The following SND1 variants were observed in gnomAD, a reference collection of about 807,000 sequenced individuals.
SND1 encodes the protein staphylococcal nuclease and tudor domain containing 1, also known as staphylococcal nuclease domain-containing protein 1.
SND1 carries 38 observed loss-of-function variants against 121.7 expected under a neutral mutation model. That is an observed-to-expected ratio of 0.31 (90% confidence interval 0.24 to 0.41). The LOEUF (loss-of-function observed/expected upper bound fraction) is 0.41. Ranked by LOEUF, SND1 falls within the 10% of genes least tolerant of loss-of-function variation. SND1 has a pLI of 1.00. For synonymous variants in SND1, 401 were observed against 447.4 expected, an observed-to-expected ratio of 0.90 and a Z score of 1.31; for missense variants, 868 against 1,184.6, an observed-to-expected ratio of 0.73 and a Z score of 3.92.
At chr7:127,917,622 T>C (rs1563057614) in intron 14 of SND1, among the ~76,000 whole-genome samples, 2 of 152,190 alleles carry the variant, frequency 1.3e-5, no homozygotes, top group South Asian at 4.1e-4. Flanking sequence ...TAGGATCTGC[T>C]ATGTTGCCAG....
intron 16 of SND1, among the ~76,000 whole-genome samples, chr7:128,022,795 A>T (rs1803387708): frequency 1.4e-5 from 2 of 148,004 alleles, no homozygotes; most frequent in South Asian, 4.3e-4. Flanking sequence ...ATTAAATTAC[A>T]TCCCTGAAGG....
intron 15 of SND1, among the ~76,000 whole-genome samples, chr7:127,962,931 A>T (rs561849427): frequency 3.3e-5 from 5 of 152,256 alleles, no homozygotes; most frequent in Admixed American, 3.3e-4. Context: ...AGTTCAAATG[A>T]CTCCATGATC....
intron 10 of SND1, among the ~76,000 whole-genome samples, chr7:127,725,351 G>A (rs1295230339): frequency 1.3e-5 from 2 of 152,194 alleles, no homozygotes; most frequent in Non-Finnish European, 1.5e-5. Flanking sequence ...GCTTCTTCCT[G>A]TCAGCATCAT....
chr7:128,024,064 CTG>C (rs3837141), intron 16 of SND1, among the ~76,000 whole-genome samples: 85,094 of 148,844 alleles, frequency 0.57, 26,046 homozygotes, highest in African/African-American at 0.81. Context: ...TGCTATATTG[CTG>C]TGTGTGTGTG....
intron 11 of SND1, among the ~76,000 whole-genome samples, chr7:127,809,481 C>T (rs1798295752): frequency 6.6e-6 from 1 of 152,344 alleles, no homozygotes; most frequent in East Asian, 1.9e-4. Context: ...CCCATGTACT[C>T]TGGCGTCTGG....
rs1316468176 is a variant in SND1 at position 127,703,124 on chromosome 7, C to G, written c.682-41C>G. On this transcript the variant is annotated intron_variant, in intron 6 of 23. Coordinates refer to ENST00000354725, the MANE Select transcript of SND1 (RefSeq NM_014390.4). ...GTGGGGCGAGAGTGCCTAGCACTCA[C>G]ATTTAGGCTGCATTACTCACCTACC... 2.5e-6 allele frequency: 4 copies of G among 1,612,214 alleles called. No individual in the cohort carries two copies. The African/African-American group carries it at 5.3e-5, about 22-fold the overall frequency.
chr7:127,776,644 A>G (rs1021590968), intron 10 of SND1, among the ~76,000 whole-genome samples: 1 of 152,226 alleles, frequency 6.6e-6, no homozygotes, highest in Non-Finnish European at 1.5e-5. Context: ...TAGTACCTGT[A>G]TATATAGGTG....
At chr7:127,771,202 A>G (rs1421001311) in intron 10 of SND1, among the ~76,000 whole-genome samples, 1 of 152,210 alleles carries the variant, frequency 6.6e-6, no homozygotes, top group East Asian at 1.9e-4. Flanking sequence ...CCTTCTGATC[A>G]TTATTCACCC....
At chr7:127,997,958 G>A (rs754689553) in intron 16 of SND1, 10 of 534,644 alleles carry the variant, frequency 1.9e-5, no homozygotes, top group Admixed American at 5.8e-5. Flanking sequence ...ACAGCACCCT[G>A]TGCATGTATC....
intron 10 of SND1, among the ~76,000 whole-genome samples, chr7:127,780,774 A>G (rs1444771623): frequency 6.6e-6 from 1 of 152,200 alleles, no homozygotes; most frequent in Non-Finnish European, 1.5e-5. Flanking sequence ...TTTATTTTAG[A>G]TCCCTTTTTA....
chr7:127,662,409 G>T, intron 1 of SND1, among the ~76,000 whole-genome samples: 1 of 152,064 alleles, frequency 6.6e-6, no homozygotes, highest in Non-Finnish European at 1.5e-5. Flanking sequence ...TTTTTCTGTT[G>T]ATATATGTTG....
chr7:127,843,082 C>T (rs1798993364), intron 11 of SND1, among the ~76,000 whole-genome samples: 1 of 151,854 alleles, frequency 6.6e-6, no homozygotes, highest in Non-Finnish European at 1.5e-5. Flanking sequence ...CAGCTTTTTT[C>T]TTTCTTTTTA....
chr7:128,029,527 G>T lies in SND1; in HGVS notation c.1779+38471G>T. The T allele has an allele frequency of 6.2e-7, 1 of 1,614,082 alleles. No homozygotes were observed. Among genetic ancestry groups the T allele is most frequent in the Non-Finnish European group, 8.5e-7 (1 of 1,180,032 alleles). On this transcript the variant is annotated intron_variant, in intron 16 of 23. Coordinates refer to ENST00000354725, the MANE Select transcript of SND1 (RefSeq NM_014390.4). This position sits in a 1 kb window ranked among gnomAD's most constrained non-coding sequence, Gnocchi z 4.2. The stretch of plus-strand genomic sequence containing the variant: ...GACATAGGGGGAGTCCGACACTTAA[G>T]TTCTGCCATCCGACCCTCAGAAATG...
In SND1 at chr7:127,711,995, GCCTCT is replaced by G. The variant is rs146778292; in HGVS notation, c.1038+4356_1038+4360del. On this transcript the variant is annotated intron_variant, in intron 9 of 23. Transcript: ENST00000354725. ...ACTGCGCACTCACTATGTTCTTCAA[GCCTCT>G]CCTCTCCCCTTCTTGGGTTATTTTG... Among the ~76,000 whole-genome samples the G allele has an allele frequency of 5.8e-3, 871 of 150,532 alleles. 15 individuals carry two copies. Among genetic ancestry groups the G allele is most frequent in the African/African-American group, 0.02 (829 of 40,886 alleles).
intron 12 of SND1, among the ~76,000 whole-genome samples, chr7:127,881,808 C>A (rs1164419885): frequency 6.6e-6 from 1 of 152,132 alleles, no homozygotes; most frequent in Non-Finnish European, 1.5e-5. Context: ...ATGTGACACT[C>A]TGTCACCCAG....
chr7:127,802,893 C>T (rs1437498837), intron 10 of SND1, among the ~76,000 whole-genome samples: 2 of 152,148 alleles, frequency 1.3e-5, no homozygotes, highest in African/African-American at 2.4e-5. Context: ...TCATTCCTAA[C>T]GTTCCATCCG....
intron 21 of SND1, 119 bp downstream of exon 21, chr7:128,087,170 C>T: frequency 2.7e-6 from 2 of 733,490 alleles, no homozygotes; most frequent in Non-Finnish European, 4.5e-6. Context: ...AGTAATAGTA[C>T]TCAAGAGATG....
chr7:127,954,918 G>C (rs539069180), intron 15 of SND1, among the ~76,000 whole-genome samples: 5 of 152,172 alleles, frequency 3.3e-5, no homozygotes, highest in Non-Finnish European at 7.3e-5. Context: ...ATCTCTAGGA[G>C]ATGACAAGCA....
intron 15 of SND1, among the ~76,000 whole-genome samples, chr7:127,989,775 T>C (rs576257740): frequency 1.3e-5 from 2 of 152,362 alleles, no homozygotes; most frequent in African/African-American, 2.4e-5. Flanking sequence ...TGTGGAATTA[T>C]GTCTGTAATT....
Sources: allele counts gnomAD v4.1 joint callset (sites outside exome capture counted in the v4.1 genomes callset), GRCh38; gene constraint gnomAD v4.1.1; non-coding constraint Gnocchi (gnomAD v3.1); transcripts MANE v1.5; gene names NCBI Gene and HGNC (gene_info 2026-07-23, HGNC 2026-07-21).